The following LINC00632 variants were observed in gnomAD, a reference collection of about 807,000 sequenced individuals.
LINC00632 encodes long independently transcribed non-coding RNA 632.
chrX:140,713,059 C>T (rs928127371), intron 2 of LINC00632, among the ~76,000 whole-genome samples: 1 of 111,679 alleles, frequency 9.0e-6, no homozygotes, highest in African/African-American at 3.3e-5. Flanking sequence ...ACTGCAGTAG[C>T]AGAATGCGGC....
intron 3 of LINC00632, among the ~76,000 whole-genome samples, chrX:140,771,866 G>C (rs1931804998): frequency 9.3e-6 from 1 of 107,268 alleles, no homozygotes; most frequent in Non-Finnish European, 1.9e-5. Context: ...ATTTTTAGTA[G>C]AGACGGGGTT....
intron 3 of LINC00632, among the ~76,000 whole-genome samples, chrX:140,756,786 T>C (rs5907629): frequency 0.24 from 26,269 of 111,101 alleles, 3,046 homozygotes; most frequent in Non-Finnish European, 0.35. Context: ...ATTTTTTTTT[T>C]CTGGGTAATT....
rs181042249 is a variant in LINC00632, at chrX:140,785,163, A to C, written n.13182A>C. 1.3e-3 allele frequency among the ~76,000 whole-genome samples: 120 copies of C among 94,392 alleles called. 1 individual carries two copies. Among genetic ancestry groups the C allele is most frequent in the African/African-American group, 5.1e-3 (116 of 22,843 alleles). The allele number at this position is 94,392 out of a possible 115,157, so 82.0% of individuals were successfully genotyped here. On this transcript the variant is annotated non_coding_transcript_exon_variant, in exon 5 of 5. Coordinates refer to ENST00000648200, the Ensembl canonical transcript of LINC00632. The stretch of plus-strand genomic sequence containing the variant: ...TATTAATTTTTATCATTGGTCTTAC[A>C]TGACCAAAGAATAATAATAATATAA...
At chrX:140,724,140 T>C (rs982709515) in intron 2 of LINC00632, among the ~76,000 whole-genome samples, 6 of 91,987 alleles carry the variant, frequency 6.5e-5, no homozygotes, top group African/African-American at 2.5e-4. Flanking sequence ...CACAGACACA[T>C]TCCATACACA....
chrX:140,710,437 ATAT>A lies in LINC00632; in HGVS notation n.68+636_68+638del, dbSNP rs1268549357. Among the ~76,000 whole-genome samples, 3 of 111,586 alleles carry A rather than the reference ATAT, an allele frequency of 2.7e-5. No homozygotes were observed. In the East Asian group the frequency reaches 8.4e-4, roughly 31 times the overall value. Reference sequence around the variant, plus strand: ...AAAAATCATGAAAAAGTAATAATGAATATTATGATCGTGCTTTCATTGGAAAAA... The same window carrying A: ...AAAAATCATGAAAAAGTAATAATGAATATGATCGTGCTTTCATTGGAAAAA... On this transcript the variant is annotated intron_variant and non_coding_transcript_variant, in intron 1 of 4. Coordinates refer to ENST00000648200, the Ensembl canonical transcript of LINC00632.
chrX:140,719,731 C>G (rs907420684), intron 2 of LINC00632, among the ~76,000 whole-genome samples: 3 of 110,833 alleles, frequency 2.7e-5, no homozygotes, highest in African/African-American at 9.9e-5. Flanking sequence ...TTCTGCAACA[C>G]ACAGCCTTCC....
At chrX:140,763,249 A>G (rs982766293) in intron 3 of LINC00632, among the ~76,000 whole-genome samples, 1 of 110,308 alleles carries the variant, frequency 9.1e-6, no homozygotes, top group African/African-American at 3.3e-5. Context: ...AAAAAAATAC[A>G]AATATTAGCC....
intron 3 of LINC00632, among the ~76,000 whole-genome samples, chrX:140,752,263 A>G (rs780841222): frequency 7.5e-4 from 84 of 111,954 alleles, no homozygotes; most frequent in African/African-American, 2.7e-3. Flanking sequence ...GCGACATCAC[A>G]AAATCCTGTC....
rs759631228 is a variant in LINC00632 at position 140,783,789 on chromosome X, G to A, written n.11808G>A. 2.2e-5 allele frequency: 27 copies of A among 1,208,146 alleles called. No homozygotes were observed. The highest frequency in any genetic ancestry group is 2.0e-4 in the South Asian group (11 of 56,371). The stretch of plus-strand genomic sequence containing the variant: ...AATATATGTCTTCCTGAAGATCCAC[G>A]TCTTCCAGAAAATCCATGTCTTCCA... On this transcript the variant is annotated non_coding_transcript_exon_variant, in exon 5 of 5. Transcript: ENST00000648200.
intron 3 of LINC00632, among the ~76,000 whole-genome samples, chrX:140,735,712 A>G (rs1931133462): frequency 9.0e-6 from 1 of 110,616 alleles, no homozygotes; most frequent in African/African-American, 3.3e-5. Context: ...GATTGCATGC[A>G]TGTGCCACCA....
At chrX:140,718,897 C>G (rs1930683022) in intron 2 of LINC00632, among the ~76,000 whole-genome samples, 1 of 111,857 alleles carries the variant, frequency 8.9e-6, no homozygotes, top group Non-Finnish European at 1.9e-5. Flanking sequence ...ACGTGCTCTA[C>G]AATACACATA....
exon 5 of LINC00632, among the ~76,000 whole-genome samples, chrX:140,787,178 G>GAA (rs113750141): frequency 9.2e-6 from 1 of 109,233 alleles, no homozygotes; most frequent in Non-Finnish European, 1.9e-5. Context: ...TTAGCAAAGT[G>GAA]AAAAAAAACA....
At chrX:140,740,473 G>C (rs1168965835) in intron 3 of LINC00632, among the ~76,000 whole-genome samples, 2 of 110,542 alleles carry the variant, frequency 1.8e-5, no homozygotes, top group Non-Finnish European at 3.8e-5. Context: ...TGTCAACCAG[G>C]AATTATGGCA....
intron 3 of LINC00632, among the ~76,000 whole-genome samples, chrX:140,762,221 GA>G (rs1436502883): frequency 4.2e-5 from 4 of 94,205 alleles, no homozygotes; most frequent in Non-Finnish European, 8.7e-5. Flanking sequence ...GAGAGAGAGA[GA>G]GAGAGAGAGA....
At chrX:140,720,676 C>T (rs767704408) in intron 2 of LINC00632, among the ~76,000 whole-genome samples, 2 of 112,009 alleles carry the variant, frequency 1.8e-5, no homozygotes, top group South Asian at 3.7e-4. Context: ...TATGTATTAT[C>T]GGACATGTCC....
chrX:140,785,808 T>C (rs766115128), exon 5 of LINC00632, among the ~76,000 whole-genome samples: 2 of 112,352 alleles, frequency 1.8e-5, no homozygotes, highest in Non-Finnish European at 3.8e-5. Flanking sequence ...CTCTTCTATC[T>C]ATTTGAATCC....
intron 2 of LINC00632, among the ~76,000 whole-genome samples, chrX:140,712,460 C>T (rs1002497239): frequency 9.9e-6 from 1 of 101,291 alleles, no homozygotes; most frequent in African/African-American, 3.6e-5. Flanking sequence ...AAAGTTGGCT[C>T]GACTCAGTTC....
chrX:140,773,458 C>T (rs1931834697), exon 4 of LINC00632, among the ~76,000 whole-genome samples: 1 of 112,350 alleles, frequency 8.9e-6, no homozygotes, highest in South Asian at 3.7e-4. Context: ...AAGACAAACT[C>T]AAAGTTCTGC....
intron 3 of LINC00632, among the ~76,000 whole-genome samples, chrX:140,742,864 AG>A (rs1931249431): frequency 1.1e-5 from 1 of 94,384 alleles, no homozygotes; most frequent in African/African-American, 4.2e-5. Context: ...AGAGAGAGAG[AG>A]AGAGAGAGAG....
Sources: allele counts gnomAD v4.1 joint callset (sites outside exome capture counted in the v4.1 genomes callset), GRCh38; gene constraint gnomAD v4.1.1; transcripts MANE v1.5; gene names NCBI Gene and HGNC (gene_info 2026-07-23, HGNC 2026-07-21).